Variants in SH3BP5 observed in about 807,000 individuals in gnomAD.
The protein encoded by SH3BP5 is SH3 domain binding protein 5, also known as SH3 domain-binding protein 5.
A neutral mutation model predicts 43.3 loss-of-function variants in SH3BP5; 22 were observed. That is an observed-to-expected ratio of 0.51 (90% CI 0.36 to 0.73). The LOEUF (loss-of-function observed/expected upper bound fraction) is 0.73. SH3BP5 is among the 30% of genes least tolerant of loss of function. The pLI is 0.00. For missense variants in SH3BP5, 529 were observed against 586.9 expected (o/e 0.90, Z 1.02); for synonymous variants, 255 against 225.8 (o/e 1.13, Z -1.16).
At chr3:15,277,813 C>CT (rs1559435569) in intron 3 of SH3BP5, among the ~76,000 whole-genome samples, 1 of 99,068 alleles carries the variant, frequency 1.0e-5, no homozygotes, top group African/African-American at 5.0e-5. Context: ...TATGCATACA[C>CT]CCCCCCAGCA....
chr3:15,304,852 A>ACG (rs935491204), intron 2 of SH3BP5, among the ~76,000 whole-genome samples: 1 of 148,430 alleles, frequency 6.7e-6, no homozygotes, highest in African/African-American at 2.5e-5. Flanking sequence ...AGCAACAACA[A>ACG]CGCAAAGTTT....
chr3:15,275,854 C>T (rs1025481416), intron 3 of SH3BP5: 8 of 151,866 alleles, frequency 5.3e-5, no homozygotes, highest in African/African-American at 1.9e-4. Context: ...AACCCCGCCT[C>T]TACCTAAATA....
chr3:15,282,308 T>G (rs1323499998), intron 3 of SH3BP5, among the ~76,000 whole-genome samples: 1 of 152,228 alleles, frequency 6.6e-6, no homozygotes, highest in Non-Finnish European at 1.5e-5. Flanking sequence ...TAATGCAGTA[T>G]CTGGCTTAAA....
At chr3:15,328,991 A>G (rs1698533495) in intron 2 of SH3BP5, among the ~76,000 whole-genome samples, 1 of 152,086 alleles carries the variant, frequency 6.6e-6, no homozygotes, top group South Asian at 2.1e-4. Flanking sequence ...CTTAATTTTA[A>G]TTAAACTCAT....
At position 15,332,436 on chromosome 3, in the gene SH3BP5, G is replaced by C. The variant is rs1316610813; in HGVS notation, c.-28C>G. 3 of 1,523,482 alleles carry C rather than the reference G, an allele frequency of 2.0e-6. No homozygotes were observed. In the South Asian group the frequency reaches 3.6e-5, roughly 18 times the overall value. 94.4% of individuals were successfully genotyped at this position (1,523,482 alleles called of 1,614,324 possible). ...AGGCAGCCGGCACGCGCGCCGCGCA[G>C]TGGGCTCCGGAGCGCCCCGGGGGTC... On this transcript the variant is annotated 5_prime_UTR_variant, in exon 1 of 9. Transcript: ENST00000383791.
chr3:15,298,430 A>T (rs1055903248), intron 3 of SH3BP5, among the ~76,000 whole-genome samples: 4 of 152,218 alleles, frequency 2.6e-5, no homozygotes, highest in Non-Finnish European at 5.9e-5. Context: ...ACATGGCCTT[A>T]TATAGCCCCA....
chr3:15,275,198 AGGAGTGTATCAG>A (rs1696929120), intron 3 of SH3BP5, among the ~76,000 whole-genome samples: 1 of 152,250 alleles, frequency 6.6e-6, no homozygotes, highest in Non-Finnish European at 1.5e-5. Flanking sequence ...TCTGCAAAGC[AGGAGTGTATCAG>A]GCAGCAGGCC....
At position 15,332,384 on chromosome 3, in the gene SH3BP5, G is replaced by C. The variant is rs1575360380; in HGVS notation, c.25C>G (p.Arg9Gly). 1 of 1,538,042 alleles carries C rather than the reference G, an allele frequency of 6.5e-7. No individual in the cohort carries two copies. The highest frequency in any genetic ancestry group is 8.7e-7 in the Non-Finnish European group (1 of 1,147,368). The change falls in exon 1 of 9, where the codon CGC becomes GGC. Residue 9 changes from arginine to glycine, a missense_variant. By Grantham distance (125) the Arg-to-Gly change is moderately radical. Coordinates refer to ENST00000383791, the MANE Select transcript of SH3BP5 (RefSeq NM_004844.5). ...AGGATTTCGGCTGGCTCCTCCGAGC[G>C]GCTCCGCTTCAGTGCCGCGTCCATG... MDAALKRSRSEEPAEILPP... is the reference protein window; with the variant it reads MDAALKRSGSEEPAEILPP...
intron 2 of SH3BP5, among the ~76,000 whole-genome samples, chr3:15,328,029 C>T (rs1279400503): frequency 6.6e-6 from 1 of 151,990 alleles, no homozygotes. Flanking sequence ...GTTTTTAATG[C>T]GTCTACTAGG....
intron 2 of SH3BP5, among the ~76,000 whole-genome samples, chr3:15,322,493 A>C (rs1698354910): frequency 6.6e-6 from 1 of 152,188 alleles, no homozygotes; most frequent in African/African-American, 2.4e-5. Flanking sequence ...GGAGAACACA[A>C]GGTTGTGTTT....
intron 2 of SH3BP5, among the ~76,000 whole-genome samples, chr3:15,319,034 A>G (rs1698254633): frequency 6.6e-6 from 1 of 152,226 alleles, no homozygotes; most frequent in Non-Finnish European, 1.5e-5. Flanking sequence ...AAAACAGCAC[A>G]TCTATCTGGA....
chr3:15,321,515 C>CAT (rs1559458066), intron 2 of SH3BP5, among the ~76,000 whole-genome samples: 2 of 144,002 alleles, frequency 1.4e-5, no homozygotes, highest in African/African-American at 5.1e-5. Flanking sequence ...CTTATAAAGA[C>CAT]TTTTTTTTTT....
chr3:15,260,428 C>T (rs1422568711), intron 5 of SH3BP5: 3 of 155,196 alleles, frequency 1.9e-5, no homozygotes, highest in Non-Finnish European at 4.3e-5. Context: ...GGTTCTGGGT[C>T]AGCTGAAAGA....
chr3:15,311,769 G>T (rs944024846), intron 2 of SH3BP5, among the ~76,000 whole-genome samples: 3 of 152,058 alleles, frequency 2.0e-5, no homozygotes, highest in African/African-American at 7.2e-5. Context: ...CACCTCCTGG[G>T]CTCAAGCAAT....
Position 15,273,467 on chromosome 3 carries a change from T to C in SH3BP5, c.331-3590A>G, listed in dbSNP as rs911779189. On this transcript the variant is annotated intron_variant, in intron 3 of 8. Transcript: ENST00000383791. The stretch of plus-strand genomic sequence containing the variant: ...TTTGAGAAGAACATGTGCTGTCAAA[T>C]TCCGGACAAGCGTCTGAAGTTTCTG... 8.6e-6 allele frequency: 8 copies of C among 925,222 alleles called. No homozygotes were observed. The Admixed American group carries it at 1.9e-4, about 21-fold the overall frequency. The allele number at this position is 925,222 out of a possible 1,614,324, so 57.3% of individuals were successfully genotyped here.
chr3:15,295,591 G>T (rs578191132), intron 3 of SH3BP5, among the ~76,000 whole-genome samples: 9 of 152,308 alleles, frequency 5.9e-5, no homozygotes, highest in Admixed American at 6.5e-5. Flanking sequence ...CGTTAGATGA[G>T]CTTCGTTCAG....
At chr3:15,283,311 T>A (rs996333664) in intron 3 of SH3BP5, among the ~76,000 whole-genome samples, 6 of 152,116 alleles carry the variant, frequency 3.9e-5, no homozygotes, top group Non-Finnish European at 8.8e-5. Flanking sequence ...GGCACGACAA[T>A]CCTTGAACCC....
chr3:15,328,958 G>C (rs545498768), intron 2 of SH3BP5, among the ~76,000 whole-genome samples: 81 of 152,240 alleles, frequency 5.3e-4, no homozygotes, highest in African/African-American at 1.9e-3. Flanking sequence ...TATTGTGACT[G>C]AGAAATGGAA....
At position 15,255,804 on chromosome 3, in the gene SH3BP5, T is replaced by C. The variant is rs1696173084; in HGVS notation, c.*282A>G. The C allele has an allele frequency of 6.5e-6, 2 of 309,460 alleles. No individual in the cohort carries two copies. Among genetic ancestry groups the C allele is most frequent in the South Asian group, 1.3e-4 (2 of 15,736 alleles). 19.2% of individuals were successfully genotyped at this position (309,460 alleles called of 1,614,324 possible). On this transcript the variant is annotated 3_prime_UTR_variant, in exon 9 of 9. Coordinates refer to ENST00000383791, the MANE Select transcript of SH3BP5 (RefSeq NM_004844.5). Reference sequence around the variant, plus strand: ...CATCTTCCCAGCTCTGGTTCTTTCATAGGAACTAGTTATTGCTTCCACAAT... The same window carrying C: ...CATCTTCCCAGCTCTGGTTCTTTCACAGGAACTAGTTATTGCTTCCACAAT...
Sources: allele counts gnomAD v4.1 joint callset (sites outside exome capture counted in the v4.1 genomes callset), GRCh38; gene constraint gnomAD v4.1.1; transcripts MANE v1.5; gene names NCBI Gene and HGNC (gene_info 2026-07-23, HGNC 2026-07-21).